Variants in ZNF248 observed in about 807,000 individuals in gnomAD.
The protein encoded by ZNF248 is zinc finger protein 248.
Under a neutral mutation model 44.3 loss-of-function variants are expected in ZNF248, and 20 were observed. That is an observed-to-expected ratio of 0.45 (90% CI 0.32 to 0.66). The LOEUF is 0.66. Among genes scored for constraint, ZNF248 ranks in the 30% least tolerant of loss-of-function variants. The pLI is 0.04. For synonymous variants in ZNF248, 224 were observed against 229.0 expected (o/e 0.98, Z 0.20); for missense variants, 654 against 677.0 (o/e 0.97, Z 0.38).
At chr10:37,790,507 C>A (rs959375273) in intron 6 of ZNF248, among the ~76,000 whole-genome samples, 1 of 151,724 alleles carries the variant, frequency 6.6e-6, no homozygotes. Context: ...GTCAAGAGAT[C>A]GAGACCATCC....
chr10:37,772,268 A>G (rs899231391), downstream of ZNF248, among the ~76,000 whole-genome samples: 4 of 151,902 alleles, frequency 2.6e-5, no homozygotes, highest in Non-Finnish European at 4.4e-5. Flanking sequence ...GTCTCAAGAA[A>G]AAAAAAAAAA....
chr10:37,820,397 G>A, intron 6 of ZNF248: 1 of 1,498,002 alleles, frequency 6.7e-7, no homozygotes, highest in South Asian at 1.1e-5. Flanking sequence ...TTGCTGACAT[G>A]AGGCTGTTGG....
intron 6 of ZNF248, among the ~76,000 whole-genome samples, chr10:37,807,329 T>C (rs993270242): frequency 2.6e-5 from 4 of 152,176 alleles, no homozygotes; most frequent in Admixed American, 2.0e-4. Context: ...TAATAACTCT[T>C]GAAATCAGGA....
intron 5 of ZNF248, among the ~76,000 whole-genome samples, chr10:37,833,503 G>A (rs1452984301): frequency 6.6e-6 from 1 of 152,260 alleles, no homozygotes; most frequent in African/African-American, 2.4e-5. Context: ...GTGAAGATTA[G>A]CAGACAAGGG....
chr10:37,855,870 G>C lies in ZNF248; in HGVS notation c.15+426C>G, dbSNP rs571122930. 3.1e-4 allele frequency among the ~76,000 whole-genome samples: 47 copies of C among 152,328 alleles called. 1 individual carries two copies. The South Asian group carries it at 9.7e-3, about 32-fold the overall frequency. On this transcript the variant is annotated intron_variant, in intron 3 of 5. Transcript: ENST00000395867. ...AGAACGAGCTGACACAAACAGTTAG[G>C]GAAAACTGTTTTGAGGACATGCAGT... is the stretch of plus-strand genomic sequence containing the variant.
At chr10:37,759,358 G>A in the ZNF248 span, among the ~76,000 whole-genome samples, 1 of 152,174 alleles carries the variant, frequency 6.6e-6, no homozygotes, top group Admixed American at 6.5e-5. Flanking sequence ...CCAGAAACAT[G>A]CAGTTCACAT....
At chr10:37,856,608 TG>T (rs2061333420) in intron 1 of ZNF248, 76 bp from the exon 2 acceptor site, 20 of 1,084,938 alleles carry the variant, frequency 1.8e-5, no homozygotes, top group South Asian at 4.3e-5. Flanking sequence ...AAAAACACTA[TG>T]GGTTTGTCAA....
the ZNF248 span, among the ~76,000 whole-genome samples, chr10:37,768,009 C>G: frequency 2.0e-5 from 3 of 152,036 alleles, no homozygotes; most frequent in African/African-American, 7.2e-5. Context: ...TAAACCAACA[C>G]AGATCAAAAG....
chr10:37,820,306 G>A, intron 6 of ZNF248: 2 of 1,396,164 alleles, frequency 1.4e-6, no homozygotes, highest in Non-Finnish European at 2.0e-6. Flanking sequence ...GGACTGTTTT[G>A]CTGAGCTGAA....
At chr10:37,799,428 G>A (rs948785892) in intron 6 of ZNF248, among the ~76,000 whole-genome samples, 35 of 152,046 alleles carry the variant, frequency 2.3e-4, no homozygotes, top group African/African-American at 7.2e-4. Context: ...GCGTGATTGC[G>A]CACGCCTGTA....
downstream of ZNF248, among the ~76,000 whole-genome samples, chr10:37,827,425 G>C (rs2054549700): frequency 6.6e-6 from 1 of 152,092 alleles, no homozygotes; most frequent in Non-Finnish European, 1.5e-5. Flanking sequence ...TCCAAACATG[G>C]GATAGCTTTA....
rs1037192512 is a variant in ZNF248 at position 37,831,107 on chromosome 10, T to C, written c.*508A>G. 5.7e-6 allele frequency: 8 copies of C among 1,409,862 alleles called. No individual in the cohort carries two copies. In the African/African-American group the frequency reaches 1.0e-4, roughly 18 times the overall value. The allele number at this position is 1,409,862 out of a possible 1,614,324, so 87.3% of individuals were successfully genotyped here. A position where few individuals can be genotyped will look rare whatever the true frequency, so the allele number is the denominator to read the frequency against. On this transcript the variant is annotated 3_prime_UTR_variant, in exon 6 of 6. Transcript: ENST00000395867. ...CTATAAAGACACCAATGGTATTTAG[T>C]GTAGAAAATATTAACAAATACCATA...
downstream of ZNF248, among the ~76,000 whole-genome samples, chr10:37,824,703 A>G (rs1379173249): frequency 1.3e-3 from 3 of 2,308 alleles, no homozygotes; most frequent in Non-Finnish European, 1.9e-3. Flanking sequence ...TTTTTTTGAG[A>G]CGGAGTCTCC....
At chr10:37,762,161 TG>T in the ZNF248 span, among the ~76,000 whole-genome samples, 559 of 152,316 alleles carry the variant, frequency 3.7e-3, 1 homozygote, top group South Asian at 7.1e-3. Flanking sequence ...AAGGTTCTGC[TG>T]GCATGGAATA....
intron 6 of ZNF248, among the ~76,000 whole-genome samples, chr10:37,823,540 T>A (rs1347041689): frequency 6.6e-6 from 1 of 151,990 alleles, no homozygotes; most frequent in Non-Finnish European, 1.5e-5. Flanking sequence ...AGATACAGAC[T>A]AAAGCTTGAC....
intron 6 of ZNF248, among the ~76,000 whole-genome samples, chr10:37,808,896 T>C (rs891086800): frequency 6.6e-6 from 1 of 152,100 alleles, no homozygotes; most frequent in Non-Finnish European, 1.5e-5. Flanking sequence ...ACTGATGCAG[T>C]CTCCTTATTA....
chr10:37,796,674 C>G (rs533020996), intron 6 of ZNF248, among the ~76,000 whole-genome samples: 285 of 152,046 alleles, frequency 1.9e-3, no homozygotes, highest in Admixed American at 5.8e-3. Context: ...TCCCATTTTC[C>G]CCCTTTCAGT....
downstream of ZNF248, among the ~76,000 whole-genome samples, chr10:37,772,404 C>T (rs2046290470): frequency 1.3e-5 from 2 of 152,122 alleles, no homozygotes; most frequent in African/African-American, 2.4e-5. Flanking sequence ...TATATTGCCA[C>T]CAGACACTGC....
At chr10:37,773,946 G>A (rs915408866), downstream of ZNF248, among the ~76,000 whole-genome samples, 7 of 151,528 alleles carry the variant, frequency 4.6e-5, no homozygotes, top group African/African-American at 1.5e-4. Flanking sequence ...TTTTACATTC[G>A]ACCAGCCCCT....
Sources: allele counts gnomAD v4.1 joint callset (sites outside exome capture counted in the v4.1 genomes callset), GRCh38; gene constraint gnomAD v4.1.1; transcripts MANE v1.5; gene names NCBI Gene and HGNC (gene_info 2026-07-23, HGNC 2026-07-21).